Variants in IL6R observed in about 807,000 individuals in gnomAD.
IL6R encodes interleukin-6 receptor subunit alpha.
A neutral mutation model predicts 48.3 loss-of-function variants in IL6R; 38 were observed. The ratio of observed to expected loss-of-function variants is 0.79; its 90% CI spans 0.61 to 1.03. The LOEUF (loss-of-function observed/expected upper bound fraction) is 1.03. Among genes scored for constraint, IL6R ranks in the 50% least tolerant of loss-of-function variants. The probability of loss-of-function intolerance (pLI) is 0.00; values close to 1 mark genes in which losing one functional copy is unlikely to be tolerated. For missense variants in IL6R, 534 were observed against 618.3 expected (o/e 0.86, Z 1.45); for synonymous variants, 264 against 256.2 (o/e 1.03, Z -0.29).
intron 1 of IL6R, among the ~76,000 whole-genome samples, chr1:154,421,292 GA>G: frequency 6.6e-6 from 1 of 152,290 alleles, no homozygotes; most frequent in South Asian, 2.1e-4. Flanking sequence ...GAGAGGTGGG[GA>G]AGCCATTGAG....
intron 1 of IL6R, among the ~76,000 whole-genome samples, chr1:154,428,922 C>T (rs1044934014): frequency 2.0e-5 from 3 of 152,138 alleles, no homozygotes; most frequent in Non-Finnish European, 2.9e-5. Flanking sequence ...GCTTGGACTT[C>T]ATCTTGTGGA....
chr1:154,420,511 T>TTTAA (rs1553304886), intron 1 of IL6R, among the ~76,000 whole-genome samples: 1 of 147,776 alleles, frequency 6.8e-6, no homozygotes, highest in Non-Finnish European at 1.5e-5. Flanking sequence ...CTTTATTTTA[T>TTTAA]TTTATTTATT....
rs1323201526 is a variant in IL6R at position 154,405,710 on chromosome 1, G to C, written c.81G>C (p.Ala27=). The C allele has an allele frequency of 1.3e-6, 2 of 1,513,454 alleles. No homozygotes were observed. The highest frequency in any genetic ancestry group is 1.4e-5 in the African/African-American group (1 of 70,964). 93.8% of individuals were successfully genotyped at this position (1,513,454 alleles called of 1,614,324 possible). Residue 27 remains alanine (A), a synonymous_variant, in exon 1 of 10, where the codon GCG becomes GCC. Coordinates refer to ENST00000368485, the MANE Select transcript of IL6R (RefSeq NM_000565.4). This position sits in a 1 kb window ranked among gnomAD's most constrained non-coding sequence, Gnocchi z 5.2. ...CGCTGGCCCCAAGGCGCTGCCCTGC[G>C]CAGGGTAAGGGCTTCGGGCGCACCT... ...GAALAPRRCP[A]QEVARGVLTS...
At chr1:154,417,225 G>T (rs896495491) in intron 1 of IL6R, among the ~76,000 whole-genome samples, 13 of 152,352 alleles carry the variant, frequency 8.5e-5, no homozygotes, top group African/African-American at 3.1e-4. Flanking sequence ...GCAGAGGGCT[G>T]CGTGTTAAGC....
chr1:154,464,163 TTTA>T (rs1691415246), intron 9 of IL6R, among the ~76,000 whole-genome samples: 5 of 79,174 alleles, frequency 6.3e-5, no homozygotes, highest in Admixed American at 1.7e-4. Context: ...TTTCTTTTTT[TTTA>T]TTTTTGAGAC....
intron 1 of IL6R, among the ~76,000 whole-genome samples, chr1:154,412,688 G>C (rs1163508096): frequency 6.6e-6 from 1 of 152,126 alleles, no homozygotes; most frequent in African/African-American, 2.4e-5. Flanking sequence ...TGAAAGATTA[G>C]GTATGTTCTG....
At position 154,434,508 on chromosome 1, in the gene IL6R, G is replaced by T; in HGVS notation, c.459-11G>T. On this transcript the variant is annotated splice_polypyrimidine_tract_variant and intron_variant, in intron 3 of 9. Coordinates refer to ENST00000368485, the MANE Select transcript of IL6R (RefSeq NM_000565.4). ...GACAGGCAAGCCCTGCCCTTGTTTT[G>T]TGTCTAACAGTCAGAACAGTCCGGC... is the stretch of plus-strand genomic sequence containing the variant. 1 of 1,609,532 alleles carries T rather than the reference G, an allele frequency of 6.2e-7. No individual in the cohort carries two copies.
At chr1:154,444,288 A>G (rs1690093215) in intron 6 of IL6R, among the ~76,000 whole-genome samples, 1 of 148,226 alleles carries the variant, frequency 6.7e-6, no homozygotes. Context: ...AGCTCACCGC[A>G]ACCTCCACCT....
intron 6 of IL6R, among the ~76,000 whole-genome samples, chr1:154,436,433 G>A (rs1220644165): frequency 1.3e-5 from 2 of 152,172 alleles, no homozygotes; most frequent in South Asian, 2.1e-4. Flanking sequence ...AGCCGAAATC[G>A]CGCCACTGCA....
intron 6 of IL6R, 89 bp from the exon 7 acceptor site, chr1:154,448,036 A>T (rs998125158): frequency 9.3e-7 from 1 of 1,074,252 alleles, no homozygotes. Flanking sequence ...TAACATTGAG[A>T]TGAACTTTTT....
chr1:154,405,589 C>A lies in IL6R; in HGVS notation c.-41C>A. The A allele has an allele frequency of 7.9e-7, 1 of 1,272,100 alleles. No homozygotes were observed. Among genetic ancestry groups the A allele is most frequent in the Non-Finnish European group, 1.0e-6 (1 of 981,208 alleles). 78.8% of individuals were successfully genotyped at this position (1,272,100 alleles called of 1,614,324 possible). ...TGCCGCCCGGTTCCCATTAGCCTGTCCGCCTCTGCGGGACCATGGAGTGGT... is the reference window on the plus strand; with the variant it reads ...TGCCGCCCGGTTCCCATTAGCCTGTACGCCTCTGCGGGACCATGGAGTGGT... On this transcript the variant is annotated 5_prime_UTR_variant, in exon 1 of 10. Transcript: ENST00000368485. The surrounding 1 kb of genome is among the most constrained non-coding windows in gnomAD (Gnocchi z 5.2).
intron 9 of IL6R, among the ~76,000 whole-genome samples, chr1:154,462,619 C>T (rs1298637003): frequency 1.3e-5 from 2 of 152,064 alleles, no homozygotes; most frequent in South Asian, 4.2e-4. Context: ...GTTATCTGCC[C>T]GCCTAGGCCT....
In IL6R at chr1:154,414,923, G is replaced by A. The variant is rs550918521; in HGVS notation, c.85+9209G>A. 198 of 1,044,420 alleles carry A rather than the reference G, an allele frequency of 1.9e-4. 1 individual carries two copies. The highest frequency in any genetic ancestry group is 2.7e-4 in the Non-Finnish European group (186 of 685,472). 64.7% of individuals were successfully genotyped at this position (1,044,420 alleles called of 1,614,324 possible). A position where few individuals can be genotyped will look rare whatever the true frequency, so the allele number is the denominator to read the frequency against. On this transcript the variant is annotated intron_variant, in intron 1 of 9. Transcript: ENST00000368485. ...CATTTGAGCTGGGTCATGTGGCGCT[G>A]GAAGGAGGGGATGTCCTCGCATAGG... is the stretch of plus-strand genomic sequence containing the variant.
intron 6 of IL6R, 38 bp from the exon 7 acceptor site, chr1:154,448,087 C>CATGAATCACTAATAATGAGCCTTT: frequency 6.3e-7 from 1 of 1,576,294 alleles, no homozygotes; most frequent in Non-Finnish European, 8.7e-7. Flanking sequence ...CTCCAGGGCC[C>CATGAATCACTAATAATGAGCCTTT]ATGAATCACT....
chr1:154,435,582 C>T (rs540791785), intron 5 of IL6R, among the ~76,000 whole-genome samples: 42 of 152,066 alleles, frequency 2.8e-4, no homozygotes, highest in Admixed American at 1.0e-3. Flanking sequence ...AATTGGCTAC[C>T]TTCGTTGCTT....
chr1:154,461,206 G>T (rs1378524813), intron 9 of IL6R, among the ~76,000 whole-genome samples: 1 of 152,182 alleles, frequency 6.6e-6, no homozygotes, highest in African/African-American at 2.4e-5. Context: ...CTTCGAAGAG[G>T]AACCAGGAGT....
intron 6 of IL6R, among the ~76,000 whole-genome samples, chr1:154,438,193 A>G (rs1478548465): frequency 2.0e-5 from 3 of 150,960 alleles, no homozygotes; most frequent in East Asian, 3.9e-4. Context: ...TTAACTCTAA[A>G]CAACAAGCTT....
intron 1 of IL6R, among the ~76,000 whole-genome samples, chr1:154,424,986 G>A (rs1302362781): frequency 6.6e-6 from 1 of 152,116 alleles, no homozygotes; most frequent in African/African-American, 2.4e-5. Flanking sequence ...GAGCAAGCAG[G>A]GGGTACGTGA....
rs1553307724 is a variant in IL6R, at chr1:154,435,089, C to T, written c.740C>T (p.Ser247Phe). 1.2e-6 allele frequency: 2 copies of T among 1,614,212 alleles called. No homozygotes were observed. The highest frequency in any genetic ancestry group is 2.2e-5 in the South Asian group (2 of 91,086). The change falls in exon 5 of 10, where the codon TCT becomes TTT. Residue 247 changes from serine (S) to phenylalanine (F), a missense_variant. Physicochemically the swap from Ser to Phe is radical, Grantham distance 155. Transcript: ENST00000368485. ...TWQDPHSWNS[S>F]FYRLRFELRY... ...CAAGACCCCCACTCCTGGAACTCAT[C>T]TTTCTACAGACTACGGTTTGAGCTC...
Sources: gnomAD v4.1 joint callset for allele counts (sites outside exome capture counted in the v4.1 genomes callset) on GRCh38, gnomAD v4.1.1 for gene constraint, Gnocchi (gnomAD v3.1) non-coding constraint, MANE v1.5 for transcripts, NCBI Gene and HGNC (gene_info 2026-07-23, HGNC 2026-07-21) for gene names.